The following MPP4 variants were observed in gnomAD, a reference collection of about 807,000 sequenced individuals.
The protein encoded by MPP4 is MAGUK p55 subfamily member 4.
Under a neutral mutation model 98.3 loss-of-function variants are expected in MPP4, and 91 were observed. The ratio of observed to expected loss-of-function variants is 0.93; its 90% CI spans 0.78 to 1.10. The LOEUF is 1.10. Ranked by LOEUF, MPP4 falls within the 50% of genes least tolerant of loss-of-function variation. MPP4 has a pLI of 0.00. For synonymous variants in MPP4, 261 were observed against 271.8 expected (o/e 0.96, Z 0.39); for missense variants, 744 against 792.9 (o/e 0.94, Z 0.74).
chr2:201,656,124 C>T (rs1687839135), intron 17 of MPP4, 74 bp downstream of exon 17: 3 of 1,441,192 alleles, frequency 2.1e-6, no homozygotes, highest in South Asian at 1.5e-5. Flanking sequence ...CACCATTATT[C>T]CCAATGCAAG....
At position 201,682,132 on chromosome 2, in the gene MPP4, C is replaced by T. The variant is rs10203894; in HGVS notation, c.661-565G>A. ...CATTAAACATCTAGAGATTAAGACC[C>T]CGTTTGTACTCAGGAATTTCAAAAT... On this transcript the variant is annotated intron_variant, in intron 8 of 21. Transcript: ENST00000409474. 3.6e-3 allele frequency among the ~76,000 whole-genome samples: 554 copies of T among 152,228 alleles called. 9 individuals are homozygous for T. The highest frequency in any genetic ancestry group is 0.012 in the African/African-American group (513 of 41,512).
At chr2:201,689,555 G>A (rs764043543) in intron 4 of MPP4, among the ~76,000 whole-genome samples, 14 of 152,088 alleles carry the variant, frequency 9.2e-5, no homozygotes, top group Non-Finnish European at 2.1e-4. Context: ...ATGATGGTAT[G>A]GGGTGGTGAG....
intron 11 of MPP4, among the ~76,000 whole-genome samples, chr2:201,673,106 A>G (rs1015569207): frequency 6.6e-6 from 1 of 152,236 alleles, no homozygotes; most frequent in Non-Finnish European, 1.5e-5. Context: ...AACAGAACCA[A>G]TGACAAAAAC....
intron 14 of MPP4, among the ~76,000 whole-genome samples, chr2:201,661,751 C>T (rs1688033743): frequency 6.6e-6 from 1 of 152,154 alleles, no homozygotes; most frequent in Non-Finnish European, 1.5e-5. Context: ...AGCCAGAGAA[C>T]CCGCAGTTAG....
At position 201,682,819 on chromosome 2, in the gene MPP4, A is replaced by G; in HGVS notation, c.660+12T>C. ...TCCAAGTCATTAACAAAAAGGCAAA[A>G]AGAAGATTTACCAGAATATGGATCA... On this transcript the variant is annotated intron_variant, in intron 8 of 21. Transcript: ENST00000409474. The G allele has an allele frequency of 6.2e-7, 1 of 1,612,694 alleles. No homozygotes were observed. The highest frequency in any genetic ancestry group is 8.5e-7 in the Non-Finnish European group (1 of 1,178,856).
chr2:201,692,039 T>C (rs1021145897), intron 3 of MPP4, among the ~76,000 whole-genome samples: 1 of 152,210 alleles, frequency 6.6e-6, no homozygotes, highest in Non-Finnish European at 1.5e-5. Flanking sequence ...GAAAAAGAGC[T>C]GTGGGGAGAA....
At chr2:201,647,621 C>T (rs1687599799) in intron 21 of MPP4, 70 bp downstream of exon 21, 7 of 1,535,026 alleles carry the variant, frequency 4.6e-6, no homozygotes, top group Admixed American at 1.7e-5. Context: ...ATCCTTGGCC[C>T]AGCCCAACCC....
rs1247278528 is a variant in MPP4, at chr2:201,685,101, CACCA to C, written c.533_536del (p.Leu178TrpfsTer23). 15 of 1,612,332 alleles carry C rather than the reference CACCA, an allele frequency of 9.3e-6. No homozygotes were observed. Among genetic ancestry groups the C allele is most frequent in the African/African-American group, 1.3e-5 (1 of 74,888 alleles). On this transcript the variant is annotated frameshift_variant, in exon 7 of 22. Coordinates refer to ENST00000409474, the MANE Select transcript of MPP4 (RefSeq NM_033066.3). LOFTEE classifies it high-confidence loss of function. ...CCAGCCCACCGTGGATGATCCTGGC[CACCA>C]AGATGTCCCCTGTCATCTCGTGGCG... is the stretch of plus-strand genomic sequence containing the variant.
At chr2:201,686,526 G>A (rs1369312278) in intron 5 of MPP4, among the ~76,000 whole-genome samples, 3 of 152,168 alleles carry the variant, frequency 2.0e-5, no homozygotes, top group African/African-American at 7.2e-5. Context: ...ATATGATCAA[G>A]CTCTTTGATC....
chr2:201,652,200 T>G (rs1479600606), intron 18 of MPP4: 1 of 159,024 alleles, frequency 6.3e-6, no homozygotes, highest in Non-Finnish European at 1.3e-5. Flanking sequence ...GGCTCATGCC[T>G]ATAATTCCAG....
chr2:201,693,672 G>A (rs1302213130), intron 2 of MPP4, among the ~76,000 whole-genome samples: 1 of 152,168 alleles, frequency 6.6e-6, no homozygotes, highest in African/African-American at 2.4e-5. Flanking sequence ...AAAAGGTTTT[G>A]AATCCATCAT....
intron 10 of MPP4, chr2:201,680,586 A>G: frequency 2.3e-6 from 1 of 434,996 alleles, no homozygotes; most frequent in Non-Finnish European, 4.2e-6. Flanking sequence ...AGGCCATAGC[A>G]CTTTTTAAGT....
intron 4 of MPP4, among the ~76,000 whole-genome samples, chr2:201,688,894 G>T (rs1362267044): frequency 2.0e-5 from 3 of 152,126 alleles, no homozygotes; most frequent in African/African-American, 7.2e-5. Flanking sequence ...TGGGATTATA[G>T]CCATGAGCTA....
rs780055977 is a variant in MPP4 at position 201,656,216 on chromosome 2, G to A, written c.1282C>T (p.Arg428Cys). The stretch of plus-strand genomic sequence containing the variant: ...GACATACCCATGAGCACTATGAGGC[G>A]GTACTTGTCTGAAGGGCGTCGCTGG... ...RYQRRPSDKY[R>C]LIVLMGPSGV... Residue 428 changes from arginine to cysteine, a missense_variant, in exon 17 of 22, where the codon CGC becomes TGC. Physicochemically the swap from Arg to Cys is radical, Grantham distance 180 (BLOSUM62 -3). Coordinates refer to ENST00000409474, the MANE Select transcript of MPP4 (RefSeq NM_033066.3). 3.2e-5 allele frequency: 51 copies of A among 1,605,312 alleles called. No homozygotes were observed. Among genetic ancestry groups the A allele is most frequent in the South Asian group, 4.5e-5 (4 of 88,654 alleles).
rs79809819 is a variant in MPP4, at chr2:201,658,953, A to G, written c.1088-435T>C. On this transcript the variant is annotated intron_variant, in intron 15 of 21. Transcript: ENST00000409474. ...CTGTTGTTGCTCACTCTGGAGTGCA[A>G]TGGCACGATCTCGGCCACTGCAACC... is the stretch of plus-strand genomic sequence containing the variant. Among the ~76,000 whole-genome samples the G allele has an allele frequency of 2.6e-3, 400 of 152,116 alleles. 2 individuals are homozygous for G. Among genetic ancestry groups the G allele is most frequent in the African/African-American group, 9.4e-3 (389 of 41,498 alleles).
intron 8 of MPP4, among the ~76,000 whole-genome samples, chr2:201,681,897 G>A (rs1236083944): frequency 1.3e-5 from 2 of 151,660 alleles, no homozygotes; most frequent in Non-Finnish European, 2.9e-5. Flanking sequence ...GGAGAGACAG[G>A]ATCTCCATCT....
intron 5 of MPP4, 76 bp downstream of exon 5, chr2:201,687,215 A>G (rs1559017820): frequency 3.4e-6 from 4 of 1,192,312 alleles, no homozygotes; most frequent in Admixed American, 2.0e-5. Context: ...AACATTTTCC[A>G]TCACATATAT....
In MPP4 at chr2:201,656,377, G is replaced by A. The variant is rs1446223198; in HGVS notation, c.1130-9C>T. ...GCTGCGGCGGAAGCCAGCTAGGGAGGGGAAGTGCACAGAACGTAAGAACCA... is the reference window on the plus strand; with the variant it reads ...GCTGCGGCGGAAGCCAGCTAGGGAGAGGAAGTGCACAGAACGTAAGAACCA... On this transcript the variant is annotated splice_polypyrimidine_tract_variant and intron_variant, in intron 16 of 21. Transcript: ENST00000409474. 3 of 1,547,598 alleles carry A rather than the reference G, an allele frequency of 1.9e-6. No homozygotes were observed. Among genetic ancestry groups the A allele is most frequent in the Middle Eastern group, 1.8e-4 (1 of 5,642 alleles).
intron 17 of MPP4, among the ~76,000 whole-genome samples, chr2:201,655,173 A>G (rs553127670): frequency 6.6e-6 from 1 of 152,324 alleles, no homozygotes; most frequent in South Asian, 2.1e-4. Context: ...ACCCCCAGCA[A>G]ACTTCATCTA....
Sources: gnomAD v4.1 joint callset for allele counts (sites outside exome capture counted in the v4.1 genomes callset) on GRCh38, gnomAD v4.1.1 for gene constraint, MANE v1.5 for transcripts, NCBI Gene and HGNC (gene_info 2026-07-23, HGNC 2026-07-21) for gene names.